RANBP2: variants seen among roughly 807,000 people sequenced by gnomAD.
RANBP2 encodes the protein RAN binding protein 2.
Under a neutral mutation model 303.6 loss-of-function variants are expected in RANBP2, and 57 were observed. The observed-to-expected ratio is 0.19, with a 90% CI of 0.15 to 0.23. RANBP2 has a LOEUF of 0.23. RANBP2 is among the 10% of genes least tolerant of loss of function. RANBP2 has a pLI of 1.00. For synonymous variants in RANBP2, 1,167 were observed against 1,301.5 expected, an observed-to-expected ratio of 0.90 and a Z score of 2.23; for missense variants, 3,138 against 3,780.8, an observed-to-expected ratio of 0.83 and a Z score of 4.46.
the RANBP2 span, among the ~76,000 whole-genome samples, chr2:108,844,217 T>G: frequency 6.6e-6 from 1 of 152,076 alleles, no homozygotes; most frequent in Non-Finnish European, 1.5e-5. Flanking sequence ...TCTAATGACG[T>G]GATTTTAGAT....
chr2:109,202,268 C>T, the RANBP2 span, among the ~76,000 whole-genome samples: 1 of 152,142 alleles, frequency 6.6e-6, no homozygotes, highest in East Asian at 1.9e-4. Context: ...GTGCTGCCTC[C>T]CAGGTCCATC....
chr2:108,826,122 T>C, the RANBP2 span, among the ~76,000 whole-genome samples: 1 of 152,214 alleles, frequency 6.6e-6, no homozygotes, highest in Non-Finnish European at 1.5e-5. Context: ...TACTGAGTTT[T>C]TTGTAGGAGG....
the RANBP2 span, among the ~76,000 whole-genome samples, chr2:109,325,164 C>T: frequency 6.6e-6 from 1 of 151,988 alleles, no homozygotes; most frequent in Admixed American, 6.6e-5. Flanking sequence ...GGAAACAACT[C>T]ACTGGTCTTT....
chr2:109,629,030 T>C, the RANBP2 span, among the ~76,000 whole-genome samples: 1 of 151,394 alleles, frequency 6.6e-6, no homozygotes, highest in Non-Finnish European at 1.5e-5. Flanking sequence ...TGGTAAAACC[T>C]CGTCTCTACT....
At chr2:109,490,090 G>T in the RANBP2 span, among the ~76,000 whole-genome samples, 1 of 152,152 alleles carries the variant, frequency 6.6e-6, no homozygotes, top group Non-Finnish European at 1.5e-5. Flanking sequence ...CACTTTACAA[G>T]GTTATCTTTA....
chr2:109,354,003 G>A, the RANBP2 span, among the ~76,000 whole-genome samples: 2 of 152,218 alleles, frequency 1.3e-5, no homozygotes, highest in Admixed American at 1.3e-4. Context: ...CTCAGTGACA[G>A]CAGGACAAAG....
chr2:109,493,842 C>T, the RANBP2 span, among the ~76,000 whole-genome samples: 2 of 152,098 alleles, frequency 1.3e-5, no homozygotes, highest in Non-Finnish European at 2.9e-5. Context: ...ATCAAGCAAC[C>T]ACATAATACA....
At chr2:108,911,166 C>T in the RANBP2 span, 1 of 1,482,442 alleles carries the variant, frequency 6.7e-7, no homozygotes, top group South Asian at 1.2e-5. Context: ...ATGGCCCTGC[C>T]CCTGGGATGC....
chr2:108,871,178 A>G, the RANBP2 span, among the ~76,000 whole-genome samples: 1 of 152,094 alleles, frequency 6.6e-6, no homozygotes, highest in Non-Finnish European at 1.5e-5. Context: ...TATACATGTT[A>G]TTTAATGAAA....
the RANBP2 span, among the ~76,000 whole-genome samples, chr2:108,934,060 G>A: frequency 6.6e-6 from 1 of 152,194 alleles, no homozygotes; most frequent in Non-Finnish European, 1.5e-5. Context: ...TAACTGAGAA[G>A]GGCTGGGCCT....
the RANBP2 span, among the ~76,000 whole-genome samples, chr2:109,314,688 C>T: frequency 6.6e-6 from 1 of 152,246 alleles, no homozygotes; most frequent in Non-Finnish European, 1.5e-5. Context: ...CAAACCAGCT[C>T]CTTGATGAAA....
At chr2:108,756,513 A>G (rs1213806748) in intron 17 of RANBP2, among the ~76,000 whole-genome samples, 1 of 152,248 alleles carries the variant, frequency 6.6e-6, no homozygotes, top group Non-Finnish European at 1.5e-5. Context: ...AGTATTTGCA[A>G]CTTAAGAGAA....
At chr2:109,209,983 G>GT in the RANBP2 span, among the ~76,000 whole-genome samples, 1 of 152,030 alleles carries the variant, frequency 6.6e-6, no homozygotes, top group African/African-American at 2.4e-5. Flanking sequence ...TCCACGCTCA[G>GT]CCCCCCCAGT....
the RANBP2 span, among the ~76,000 whole-genome samples, chr2:109,002,088 T>C: frequency 2.6e-5 from 4 of 152,208 alleles, no homozygotes; most frequent in African/African-American, 9.6e-5. Flanking sequence ...AGGGAGTTGG[T>C]GGCTGCCATT....
chr2:109,121,800 CTGTT>C, the RANBP2 span, among the ~76,000 whole-genome samples: 7 of 152,332 alleles, frequency 4.6e-5, no homozygotes, highest in Admixed American at 2.6e-4. Context: ...CTCTGGAACT[CTGTT>C]TGAATCACAT....
chr2:109,081,806 T>C, the RANBP2 span, among the ~76,000 whole-genome samples: 1 of 152,194 alleles, frequency 6.6e-6, no homozygotes, highest in Non-Finnish European at 1.5e-5. Flanking sequence ...CTGGCAGCAG[T>C]GACATGGCTT....
chr2:109,194,391 G>C, the RANBP2 span, among the ~76,000 whole-genome samples: 3 of 152,224 alleles, frequency 2.0e-5, no homozygotes, highest in Non-Finnish European at 2.9e-5. Context: ...TTCCCAGTGG[G>C]CTGGGCCTCA....
chr2:109,189,253 C>T, the RANBP2 span, among the ~76,000 whole-genome samples: 1 of 151,844 alleles, frequency 6.6e-6, no homozygotes, highest in African/African-American at 2.4e-5. Flanking sequence ...TGAGGTCTGG[C>T]CAAGCTTGAT....
chr2:109,228,911 C>T, the RANBP2 span, among the ~76,000 whole-genome samples: 2 of 152,150 alleles, frequency 1.3e-5, no homozygotes, highest in South Asian at 2.1e-4. Context: ...CCCCTCTGCC[C>T]TCTTTGGAGG....
Sources: allele counts gnomAD v4.1 joint callset (sites outside exome capture counted in the v4.1 genomes callset), GRCh38; gene constraint gnomAD v4.1.1; transcripts MANE v1.5; gene names NCBI Gene and HGNC (gene_info 2026-07-23, HGNC 2026-07-21).